Variants in RAB7A observed in about 807,000 individuals in gnomAD.
RAB7A encodes the protein ras-related protein Rab-7a.
In RAB7A, 2 loss-of-function variants were observed where a neutral mutation model predicts 24.5. The ratio of observed to expected loss-of-function variants is 0.08; its 90% confidence interval spans 0.03 to 0.26. The LOEUF is 0.26. RAB7A is among the 10% of genes least tolerant of loss of function. RAB7A has a pLI of 1.00. For synonymous variants in RAB7A, 100 were observed against 95.9 expected (o/e 1.04, Z -0.25); for missense variants, 118 against 255.7 (o/e 0.46, Z 3.67).
chr3:128,800,620 G>C (rs1018837036), intron 3 of RAB7A, among the ~76,000 whole-genome samples: 1 of 152,202 alleles, frequency 6.6e-6, no homozygotes, highest in Non-Finnish European at 1.5e-5. Flanking sequence ...CTTAAAAATA[G>C]ACTGAGGAAA....
chr3:128,775,667 G>A (rs934898086), intron 1 of RAB7A, among the ~76,000 whole-genome samples: 5 of 152,194 alleles, frequency 3.3e-5, no homozygotes, highest in African/African-American at 1.2e-4. Flanking sequence ...ACTTTGGGAT[G>A]TTGTTGGAAG....
intron 5 of RAB7A, among the ~76,000 whole-genome samples, chr3:128,811,866 G>T (rs76550538): frequency 0.1 from 15,354 of 151,092 alleles, 832 homozygotes; most frequent in South Asian, 0.17. Flanking sequence ...AAAAAAGAAA[G>T]AAATCACAGT....
intron 1 of RAB7A, among the ~76,000 whole-genome samples, chr3:128,744,581 A>G (rs540321930): frequency 1.3e-5 from 2 of 152,224 alleles, no homozygotes; most frequent in East Asian, 3.8e-4. Context: ...CAGCCAAGTG[A>G]TCTGCTAAGC....
intron 1 of RAB7A, among the ~76,000 whole-genome samples, chr3:128,763,911 A>G (rs1432610084): frequency 7.9e-6 from 1 of 125,978 alleles, no homozygotes; most frequent in Non-Finnish European, 1.6e-5. Context: ...TCCTACTTAA[A>G]AGACAGGATA....
chr3:128,737,408 A>G (rs1031079125), intron 1 of RAB7A, among the ~76,000 whole-genome samples: 14 of 144,322 alleles, frequency 9.7e-5, no homozygotes, highest in African/African-American at 3.4e-4. Context: ...TGACAGTGCA[A>G]CCCCAGCTCA....
At chr3:128,761,365 T>A (rs1461632979) in intron 1 of RAB7A, among the ~76,000 whole-genome samples, 2 of 152,192 alleles carry the variant, frequency 1.3e-5, no homozygotes, top group Non-Finnish European at 1.5e-5. Flanking sequence ...CAAAGTCCTC[T>A]ATACCCCCCC....
At chr3:128,786,647 C>T (rs1933348276) in intron 1 of RAB7A, among the ~76,000 whole-genome samples, 1 of 152,146 alleles carries the variant, frequency 6.6e-6, no homozygotes, top group Non-Finnish European at 1.5e-5. Context: ...ACTCTGTATC[C>T]CTATGATGCT....
chr3:128,801,628 C>A (rs963037346), intron 3 of RAB7A, among the ~76,000 whole-genome samples: 5 of 151,952 alleles, frequency 3.3e-5, no homozygotes, highest in Non-Finnish European at 7.4e-5. Flanking sequence ...GCAGATTGGC[C>A]ACACCAGAAA....
chr3:128,728,569 TCTC>T (rs962173261), intron 1 of RAB7A, among the ~76,000 whole-genome samples: 3 of 152,126 alleles, frequency 2.0e-5, no homozygotes, highest in African/African-American at 7.2e-5. Context: ...TTCAAGCCAT[TCTC>T]CTGCCTCAGC....
intron 5 of RAB7A, among the ~76,000 whole-genome samples, chr3:128,811,066 C>T (rs1416386066): frequency 6.6e-6 from 1 of 150,800 alleles, no homozygotes; most frequent in Non-Finnish European, 1.5e-5. Flanking sequence ...AAAAAAAAAA[C>T]AAAACATTCC....
chr3:128,809,588 T>C (rs1323409881), intron 5 of RAB7A, among the ~76,000 whole-genome samples: 4 of 152,212 alleles, frequency 2.6e-5, no homozygotes, highest in Non-Finnish European at 5.9e-5. Flanking sequence ...CCTTTGAACA[T>C]AGGGAAAAAG....
chr3:128,737,383 C>T (rs2070500121), intron 1 of RAB7A, among the ~76,000 whole-genome samples: 1 of 145,530 alleles, frequency 6.9e-6, no homozygotes, highest in African/African-American at 2.6e-5. Context: ...CTCTGTCACC[C>T]AGGCTGGAGT....
intron 1 of RAB7A, among the ~76,000 whole-genome samples, chr3:128,780,963 G>A (rs1169688708): frequency 1.3e-5 from 2 of 152,140 alleles, no homozygotes; most frequent in Non-Finnish European, 2.9e-5. Flanking sequence ...ACTTCACAAA[G>A]GTCTCCATAT....
At chr3:128,732,214 A>G (rs1489617999) in intron 1 of RAB7A, among the ~76,000 whole-genome samples, 3 of 151,030 alleles carry the variant, frequency 2.0e-5, no homozygotes, top group East Asian at 4.0e-4. Context: ...TAATTTTTGT[A>G]TTTTTAGTAT....
chr3:128,770,026 G>A (rs1311274119), intron 1 of RAB7A, among the ~76,000 whole-genome samples: 8 of 145,304 alleles, frequency 5.5e-5, no homozygotes, highest in African/African-American at 1.8e-4. Context: ...TTTTTGAGAC[G>A]GAGTCTCGCT....
At chr3:128,744,472 T>C (rs2070588582) in intron 1 of RAB7A, among the ~76,000 whole-genome samples, 1 of 152,208 alleles carries the variant, frequency 6.6e-6, no homozygotes, top group African/African-American at 2.4e-5. Context: ...ATTTGAAATA[T>C]GATGCATTAT....
chr3:128,765,144 G>A (rs770225210), intron 1 of RAB7A: 3 of 702,258 alleles, frequency 4.3e-6, no homozygotes, highest in Non-Finnish European at 7.8e-6. Context: ...CGGCCGGGGT[G>A]GGGGACGAGC....
intron 1 of RAB7A, among the ~76,000 whole-genome samples, chr3:128,729,348 A>G (rs890573424): frequency 3.9e-5 from 6 of 152,142 alleles, no homozygotes; most frequent in African/African-American, 1.4e-4. Flanking sequence ...AGGCAGGTGG[A>G]TCATGAGGTC....
At chr3:128,763,952 A>G (rs1230453197) in intron 1 of RAB7A, among the ~76,000 whole-genome samples, 1 of 137,032 alleles carries the variant, frequency 7.3e-6, no homozygotes, top group Non-Finnish European at 1.5e-5. Context: ...TTATTTTCAG[A>G]GTGAGGAGTT....
Sources: allele counts gnomAD v4.1 joint callset (sites outside exome capture counted in the v4.1 genomes callset), GRCh38; gene constraint gnomAD v4.1.1; transcripts MANE v1.5; gene names NCBI Gene and HGNC (gene_info 2026-07-23, HGNC 2026-07-21).